The following CNBD1 variants were observed in gnomAD, a reference collection of about 807,000 sequenced individuals.
The protein encoded by CNBD1 is cyclic nucleotide-binding domain-containing protein 1.
CNBD1 carries 71 observed loss-of-function variants against 54.4 expected under a neutral mutation model. That is an observed-to-expected ratio of 1.30 (90% CI 1.08 to 1.59). The LOEUF is 1.59. Among genes scored for constraint, CNBD1 ranks in the 40% most tolerant of loss-of-function variants. The pLI is 0.00. For missense variants in CNBD1, 659 were observed against 518.0 expected (o/e 1.27, Z -2.64); for synonymous variants, 182 against 170.7 (o/e 1.07, Z -0.51).
chr8:86,947,215 A>T (rs562808624), intron 4 of CNBD1, among the ~76,000 whole-genome samples: 1 of 152,132 alleles, frequency 6.6e-6, no homozygotes, highest in Non-Finnish European at 1.5e-5. Flanking sequence ...CTGAACATTT[A>T]GTCTAAGAAA....
chr8:87,041,081 A>C (rs1810057701), intron 4 of CNBD1, among the ~76,000 whole-genome samples: 1 of 152,146 alleles, frequency 6.6e-6, no homozygotes, highest in Non-Finnish European at 1.5e-5. Context: ...CAAAAACTGC[A>C]ATTACTTTTC....
intron 4 of CNBD1, among the ~76,000 whole-genome samples, chr8:87,006,786 C>T (rs547603029): frequency 6.6e-6 from 1 of 152,352 alleles, no homozygotes; most frequent in Admixed American, 6.5e-5. Flanking sequence ...ATCTCCTCCT[C>T]TTCCTGCCTT....
intron 1 of CNBD1, among the ~76,000 whole-genome samples, chr8:86,875,088 T>C (rs868813747): frequency 2.2e-4 from 33 of 150,948 alleles, no homozygotes; most frequent in Admixed American, 2.0e-3. Flanking sequence ...CTCATTCTTA[T>C]CTTCTCCCTT....
chr8:87,111,767 C>G (rs1377738473), intron 4 of CNBD1, among the ~76,000 whole-genome samples: 1 of 152,068 alleles, frequency 6.6e-6, no homozygotes, highest in Admixed American at 6.6e-5. Flanking sequence ...TCCATGGATC[C>G]CTGTGGGTTA....
At chr8:87,129,749 G>A (rs1812077255) in intron 4 of CNBD1, among the ~76,000 whole-genome samples, 1 of 151,924 alleles carries the variant, frequency 6.6e-6, no homozygotes, top group African/African-American at 2.4e-5. Context: ...TTTTTATTCA[G>A]TCTCACATAT....
intron 1 of CNBD1, among the ~76,000 whole-genome samples, chr8:86,869,304 G>A (rs1275149743): frequency 6.6e-6 from 1 of 152,084 alleles, no homozygotes; most frequent in Non-Finnish European, 1.5e-5. Context: ...ATGTTAAGTA[G>A]CAGAGGCTCC....
intron 4 of CNBD1, among the ~76,000 whole-genome samples, chr8:87,170,011 G>C (rs1016536048): frequency 6.6e-6 from 1 of 151,994 alleles, no homozygotes; most frequent in African/African-American, 2.4e-5. Context: ...TGTATTTATG[G>C]ACATTTTAAC....
At chr8:87,153,300 A>G (rs1466621883) in intron 4 of CNBD1, among the ~76,000 whole-genome samples, 4 of 152,176 alleles carry the variant, frequency 2.6e-5, no homozygotes, top group Admixed American at 6.5e-5. Flanking sequence ...CCATTTCTAC[A>G]TCAATTTTCT....
chr8:87,212,285 A>G (rs1272244149), intron 5 of CNBD1, among the ~76,000 whole-genome samples: 2 of 152,176 alleles, frequency 1.3e-5, no homozygotes, highest in African/African-American at 4.8e-5. Flanking sequence ...AATACTATTT[A>G]TATTGATCTA....
chr8:87,049,733 C>A (rs936853614), intron 4 of CNBD1, among the ~76,000 whole-genome samples: 1 of 152,188 alleles, frequency 6.6e-6, no homozygotes, highest in African/African-American at 2.4e-5. Flanking sequence ...TGCAGATCCT[C>A]TAGCAGCAAG....
intron 4 of CNBD1, among the ~76,000 whole-genome samples, chr8:87,048,235 T>C (rs896246470): frequency 1.2e-4 from 19 of 152,090 alleles, no homozygotes; most frequent in African/African-American, 4.6e-4. Context: ...TTCCAATGGT[T>C]GTTTTCATTC....
intron 6 of CNBD1, among the ~76,000 whole-genome samples, chr8:87,241,301 C>G (rs1333495904): frequency 3.6e-5 from 4 of 112,638 alleles, no homozygotes; most frequent in African/African-American, 8.9e-5. Flanking sequence ...TGAGGAGTCT[C>G]GCTCTGTCGC....
At chr8:87,370,138 T>G (rs1456690840) in intron 10 of CNBD1, among the ~76,000 whole-genome samples, 1 of 151,980 alleles carries the variant, frequency 6.6e-6, no homozygotes, top group East Asian at 1.9e-4. Context: ...TGTTGGACAT[T>G]TGGGTTGGTT....
At chr8:87,426,182 C>T (rs1054165422) in intron 2 of CNBD1, among the ~76,000 whole-genome samples, 2 of 152,212 alleles carry the variant, frequency 1.3e-5, no homozygotes, top group African/African-American at 2.4e-5. Flanking sequence ...TCAGCTGGCG[C>T]ACGGTGCGCG....
intron 2 of CNBD1, among the ~76,000 whole-genome samples, chr8:87,414,293 G>A (rs1342323128): frequency 2.0e-5 from 3 of 151,976 alleles, no homozygotes; most frequent in South Asian, 2.1e-4. Context: ...AACACCACAT[G>A]TTCTCACTCA....
At chr8:86,929,125 C>T (rs906181580) in intron 3 of CNBD1, among the ~76,000 whole-genome samples, 3 of 152,198 alleles carry the variant, frequency 2.0e-5, no homozygotes, top group Non-Finnish European at 4.4e-5. Context: ...TGGTTTTCTT[C>T]TGCCTTTTCT....
At chr8:87,401,159 G>C (rs1807557015) in intron 2 of CNBD1, among the ~76,000 whole-genome samples, 2 of 151,912 alleles carry the variant, frequency 1.3e-5, no homozygotes, top group South Asian at 4.2e-4. Flanking sequence ...ATGTTTTCTA[G>C]CCAACCAAAT....
intron 4 of CNBD1, among the ~76,000 whole-genome samples, chr8:86,991,404 C>G (rs1473443331): frequency 6.6e-6 from 1 of 152,126 alleles, no homozygotes; most frequent in Admixed American, 6.6e-5. Flanking sequence ...CTCTCTCTCT[C>G]TCTCTCTTTT....
rs552048126 is a variant in CNBD1 at position 87,332,459 on chromosome 8, C to G, written c.1043-19226C>G. ...TTCATAATAAAAGATTTACCCATGC[C>G]TATTTCCTGAATGGTATTGCCTAGG... On this transcript the variant is annotated intron_variant, in intron 8 of 10. Coordinates refer to ENST00000518476, the MANE Select transcript of CNBD1 (RefSeq NM_173538.3). Among the ~76,000 whole-genome samples the G allele has an allele frequency of 3.3e-5, 5 of 152,134 alleles. No homozygotes were observed. In the South Asian group the frequency reaches 1.0e-3, roughly 32 times the overall value.
Sources: allele counts gnomAD v4.1 joint callset (sites outside exome capture counted in the v4.1 genomes callset), GRCh38; gene constraint gnomAD v4.1.1; transcripts MANE v1.5; gene names NCBI Gene and HGNC (gene_info 2026-07-23, HGNC 2026-07-21).